NEGR1: variants seen among roughly 807,000 people sequenced by gnomAD.
NEGR1 encodes the protein IgLON family member 4.
Under a neutral mutation model 40.9 loss-of-function variants are expected in NEGR1, and 10 were observed. That is an observed-to-expected ratio of 0.24 (90% CI 0.15 to 0.42). NEGR1 has a LOEUF of 0.42. Ranked by LOEUF, NEGR1 falls within the 10% of genes least tolerant of loss-of-function variation. NEGR1 has a pLI of 1.00. For missense variants in NEGR1, 352 were observed against 438.9 expected, an observed-to-expected ratio of 0.80 and a Z score of 1.77; for synonymous variants, 185 against 166.8, an observed-to-expected ratio of 1.11 and a Z score of -0.84.
At position 72,049,685 on chromosome 1, in the gene NEGR1, A is replaced by G. The variant is rs1647039444; in HGVS notation, c.177-114374T>C. Among the ~76,000 whole-genome samples the G allele has an allele frequency of 4.0e-5, 6 of 151,716 alleles. No individual in the cohort carries two copies. In the South Asian group the frequency reaches 1.2e-3, roughly 31 times the overall value. ...AACCTTAAGCCAGGAAGCAAGCTGA[A>G]CAGAAACATGTCAATCTTTCCTACT... On this transcript the variant is annotated intron_variant, in intron 1 of 6. Coordinates refer to ENST00000357731, the MANE Select transcript of NEGR1 (RefSeq NM_173808.3).
intron 6 of NEGR1, among the ~76,000 whole-genome samples, chr1:71,470,955 C>T (rs142616940): frequency 2.6e-4 from 39 of 152,208 alleles, no homozygotes; most frequent in African/African-American, 8.2e-4. Flanking sequence ...TATTCAGGCA[C>T]ATTTACTAAT....
rs945871317 is a variant in NEGR1 at position 71,406,413 on chromosome 1, T to C, written c.*1033A>G. ...GCTTACCAACTCTTGTAATATTAGG[T>C]GATAGGACTTTGTGCCCTTTCTGAC... On this transcript the variant is annotated 3_prime_UTR_variant, in exon 7 of 7. Coordinates refer to ENST00000357731, the MANE Select transcript of NEGR1 (RefSeq NM_173808.3). 6.6e-6 allele frequency: 1 copy of C among 151,862 alleles called. No homozygotes were observed. Among genetic ancestry groups the C allele is most frequent in the Non-Finnish European group, 1.5e-5 (1 of 67,874 alleles). The allele number at this position is 151,862 out of a possible 1,614,324, so 9.4% of individuals were successfully genotyped here.
At chr1:72,111,668 C>A (rs1352827266) in intron 1 of NEGR1, among the ~76,000 whole-genome samples, 2 of 151,668 alleles carry the variant, frequency 1.3e-5, no homozygotes, top group Non-Finnish European at 2.9e-5. Flanking sequence ...ATATTAATTT[C>A]TTTCCTTTTC....
intron 1 of NEGR1, among the ~76,000 whole-genome samples, chr1:71,991,608 T>C (rs1212978099): frequency 2.0e-5 from 3 of 152,130 alleles, no homozygotes; most frequent in African/African-American, 7.2e-5. Flanking sequence ...AACTTATAAT[T>C]ACTTCTATCA....
intron 2 of NEGR1, among the ~76,000 whole-genome samples, chr1:71,860,110 A>G (rs1446729652): frequency 6.6e-6 from 1 of 151,850 alleles, no homozygotes; most frequent in African/African-American, 2.4e-5. Context: ...TGACCCTGTT[A>G]TCCTTACAAA....
At chr1:71,707,322 G>A (rs1246866034) in intron 3 of NEGR1, among the ~76,000 whole-genome samples, 2 of 152,172 alleles carry the variant, frequency 1.3e-5, no homozygotes, top group Non-Finnish European at 2.9e-5. Context: ...GCTGACCTAA[G>A]ATACTTTAGG....
intron 3 of NEGR1, among the ~76,000 whole-genome samples, chr1:71,770,238 C>T (rs186612371): frequency 1.3e-5 from 2 of 152,292 alleles, no homozygotes; most frequent in African/African-American, 4.8e-5. Context: ...GACAACTACC[C>T]TCTTTATTTT....
intron 3 of NEGR1, among the ~76,000 whole-genome samples, chr1:71,751,170 G>A (rs1570296465): frequency 6.6e-6 from 1 of 151,836 alleles, no homozygotes; most frequent in Admixed American, 6.6e-5. Context: ...GAGTAATTCA[G>A]TAGTTTCAGT....
chr1:72,073,392 T>G (rs1647557880), intron 1 of NEGR1, among the ~76,000 whole-genome samples: 1 of 152,188 alleles, frequency 6.6e-6, no homozygotes, highest in South Asian at 2.1e-4. Flanking sequence ...GTCACTAAAT[T>G]TTGATTTGCT....
intron 1 of NEGR1, among the ~76,000 whole-genome samples, chr1:71,946,044 C>T (rs189759789): frequency 4.6e-5 from 7 of 151,704 alleles, no homozygotes; most frequent in Admixed American, 3.3e-4. Flanking sequence ...CAATTCTATT[C>T]GTTTCTTTTT....
At chr1:71,540,737 G>T (rs911361206) in intron 6 of NEGR1, among the ~76,000 whole-genome samples, 1 of 151,540 alleles carries the variant, frequency 6.6e-6, no homozygotes, top group Non-Finnish European at 1.5e-5. Context: ...AGACTGTTAA[G>T]GTATTGTTAT....
At chr1:71,868,464 T>C (rs868636630) in intron 2 of NEGR1, among the ~76,000 whole-genome samples, 381 of 81,564 alleles carry the variant, frequency 4.7e-3, no homozygotes, top group Non-Finnish European at 7.3e-3. Context: ...GATAGATAGA[T>C]AGACAGAATA....
intron 6 of NEGR1, among the ~76,000 whole-genome samples, chr1:71,413,097 A>T (rs1338469423): frequency 6.6e-6 from 1 of 152,202 alleles, no homozygotes; most frequent in African/African-American, 2.4e-5. Flanking sequence ...GGACTAACCT[A>T]GGCAAGTTTC....
At chr1:71,531,133 C>A (rs546265286) in intron 6 of NEGR1, among the ~76,000 whole-genome samples, 1 of 151,274 alleles carries the variant, frequency 6.6e-6, no homozygotes, top group Admixed American at 6.6e-5. Context: ...ATGGAAAGAT[C>A]TTTTGATATA....
chr1:71,897,295 A>T (rs1384738767), intron 2 of NEGR1, among the ~76,000 whole-genome samples: 1 of 152,178 alleles, frequency 6.6e-6, no homozygotes, highest in East Asian at 1.9e-4. Context: ...TCATTATAAC[A>T]CAAATGTCAG....
intron 4 of NEGR1, among the ~76,000 whole-genome samples, chr1:71,643,833 C>A (rs189893027): frequency 2.0e-4 from 31 of 152,014 alleles, no homozygotes; most frequent in Non-Finnish European, 4.0e-4. Flanking sequence ...TATAAACAGT[C>A]AATAGAAATC....
intron 6 of NEGR1, among the ~76,000 whole-genome samples, chr1:71,438,586 C>T (rs1557526243): frequency 2.0e-5 from 3 of 152,004 alleles, no homozygotes; most frequent in Middle Eastern, 3.2e-3. Context: ...TTTTTTAGGT[C>T]GAAAAAGCAC....
intron 1 of NEGR1, among the ~76,000 whole-genome samples, chr1:72,160,666 T>C (rs1651523676): frequency 6.6e-6 from 1 of 152,102 alleles, no homozygotes; most frequent in Non-Finnish European, 1.5e-5. Flanking sequence ...ACAAAGGGGA[T>C]TATATTTGCA....
chr1:71,996,246 T>A (rs1227377303), intron 1 of NEGR1, among the ~76,000 whole-genome samples: 4 of 152,144 alleles, frequency 2.6e-5, no homozygotes, highest in African/African-American at 9.6e-5. Context: ...TTTCTATCTC[T>A]TTATGTAATA....
Sources: gnomAD v4.1 joint callset for allele counts (sites outside exome capture counted in the v4.1 genomes callset) on GRCh38, gnomAD v4.1.1 for gene constraint, MANE v1.5 for transcripts, NCBI Gene and HGNC (gene_info 2026-07-23, HGNC 2026-07-21) for gene names.